The following FHAD1 variants were observed in gnomAD, a reference collection of about 807,000 sequenced individuals.
FHAD1 encodes forkhead-associated domain-containing protein 1.
Under a neutral mutation model 191.3 loss-of-function variants are expected in FHAD1, and 146 were observed. That is an observed-to-expected ratio of 0.76 (90% CI 0.67 to 0.88). The LOEUF (loss-of-function observed/expected upper bound fraction) is 0.88. FHAD1 is among the 40% of genes least tolerant of loss of function. FHAD1 has a pLI of 0.00. For synonymous variants in FHAD1, 616 were observed against 672.3 expected (o/e 0.92, Z 1.29); for missense variants, 1,635 against 1,785.8 (o/e 0.92, Z 1.52).
intron 3 of FHAD1, among the ~76,000 whole-genome samples, chr1:15,282,841 G>A (rs548689894): frequency 3.3e-5 from 5 of 152,216 alleles, no homozygotes; most frequent in Non-Finnish European, 7.3e-5. Flanking sequence ...TTTCTGTGGT[G>A]TAAATACTCC....
At chr1:15,299,728 G>A (rs975272337) in intron 5 of FHAD1, among the ~76,000 whole-genome samples, 3 of 152,248 alleles carry the variant, frequency 2.0e-5, no homozygotes, top group Non-Finnish European at 2.9e-5. Flanking sequence ...CAGCACAAGC[G>A]TGGCACACAG....
chr1:15,326,624 G>A (rs935348726), intron 11 of FHAD1: 4 of 156,094 alleles, frequency 2.6e-5, no homozygotes, highest in African/African-American at 9.6e-5. Context: ...ATGAAATGGA[G>A]AAAGGGAGAA....
chr1:15,320,877 C>A (rs1676018990), intron 10 of FHAD1, among the ~76,000 whole-genome samples: 1 of 152,100 alleles, frequency 6.6e-6, no homozygotes, highest in Admixed American at 6.6e-5. Context: ...AGGTGTACTA[C>A]CTATGTTCCT....
At chr1:15,363,495 C>T (rs1247157607) in intron 23 of FHAD1, among the ~76,000 whole-genome samples, 3 of 152,222 alleles carry the variant, frequency 2.0e-5, no homozygotes. Context: ...TGAGCCTTAG[C>T]TTCCACATTT....
intron 7 of FHAD1, among the ~76,000 whole-genome samples, 171 bp downstream of exon 7, chr1:15,308,907 C>T (rs976657875): frequency 1.3e-5 from 2 of 152,230 alleles, no homozygotes; most frequent in South Asian, 4.1e-4. Flanking sequence ...TGAGTTCACC[C>T]TCAGAGGTTT....
chr1:15,397,329 C>T lies in FHAD1; in HGVS notation c.4356C>T (p.Asp1452=), dbSNP rs1706354566. The change falls in exon 34 of 34, where the codon GAC becomes GAT. Residue 1452 remains aspartate, a synonymous_variant. Coordinates refer to ENST00000688493, the MANE Select transcript of FHAD1 (RefSeq NM_001391957.1). ...CCAGAAAAGCCTCCCTAAAGATGGA[C>T]CAAGAAAGAGAGATGCTGAGGAAAG... The part of the protein sequence containing the change: ...VGTRKASLKM[D]QEREMLRKET... 1 of 1,542,826 alleles carries T rather than the reference C, an allele frequency of 6.5e-7. No homozygotes were observed. Among genetic ancestry groups the T allele is most frequent in the Non-Finnish European group, 8.8e-7 (1 of 1,141,112 alleles).
Position 15,341,724 on chromosome 1 carries a change from C to G in FHAD1, c.1978-12C>G. 1.9e-6 allele frequency: 3 copies of G among 1,544,990 alleles called. No homozygotes were observed. In the East Asian group the frequency reaches 7.3e-5, roughly 38 times the overall value. ...CCCCCATCAGCATCGGTTTACTTTT[C>G]TCACATTTCAGATCAAGTTCAACAG... On this transcript the variant is annotated splice_polypyrimidine_tract_variant and intron_variant, in intron 15 of 33. Transcript: ENST00000688493.
chr1:15,298,141 A>G (rs964354185), intron 5 of FHAD1, among the ~76,000 whole-genome samples: 1 of 152,246 alleles, frequency 6.6e-6, no homozygotes, highest in African/African-American at 2.4e-5. Context: ...ATGCCCATCA[A>G]TCAACGAGTG....
chr1:15,327,067 C>T lies in FHAD1; in HGVS notation c.1482C>T (p.His494=), dbSNP rs3765357. ...NLERAVGQLE[H]FRSQVIKATY... Reference sequence around the variant, plus strand: ...CCCCCTCTCTGCTGCAGCTGGAGCACTTCAGAAGTCAAGTCATCAAGGCCA... The same window carrying T: ...CCCCCTCTCTGCTGCAGCTGGAGCATTTCAGAAGTCAAGTCATCAAGGCCA... Residue 494 remains histidine (H), a synonymous_variant, in exon 12 of 34, where the codon CAC becomes CAT. Coordinates refer to ENST00000688493, the MANE Select transcript of FHAD1 (RefSeq NM_001391957.1). The surrounding 1 kb of genome is among the most constrained non-coding windows in gnomAD (Gnocchi z 5.1). 0.29 allele frequency: 442,794 copies of T among 1,547,724 alleles called. 66,104 individuals are homozygous for T. Among genetic ancestry groups the T allele is most frequent in the South Asian group, 0.33 (28,024 of 83,908 alleles).
intron 24 of FHAD1, 23 bp downstream of exon 24, chr1:15,365,956 C>T (rs1171101185): frequency 9.6e-6 from 14 of 1,464,606 alleles, no homozygotes; most frequent in Non-Finnish European, 1.2e-5. Context: ...TCTGGTGTCT[C>T]TTGACCTCCT....
At position 15,352,900 on chromosome 1, in the gene FHAD1, C is replaced by T. The variant is rs552564683; in HGVS notation, c.2478C>T (p.Tyr826=). The change falls in exon 20 of 34, where the codon TAC becomes TAT. Residue 826 remains tyrosine (Y), a synonymous_variant. Transcript: ENST00000688493. ...QKEISESNIA[Y]EKRKAKEAME... ...AGATCTCAGAGAGCAACATTGCGTA[C>T]GAGAAACGCAAAGCAAAGGAGGCCA... 281 of 1,551,082 alleles carry T rather than the reference C, an allele frequency of 1.8e-4. No individual in the cohort carries two copies. Among genetic ancestry groups the T allele is most frequent in the Middle Eastern group, 6.7e-4 (4 of 5,988 alleles).
chr1:15,324,573 A>G lies in FHAD1; in HGVS notation c.1473+14A>G. The G allele has an allele frequency of 6.5e-7, 1 of 1,528,098 alleles. No homozygotes were observed. 94.7% of individuals were successfully genotyped at this position (1,528,098 alleles called of 1,614,324 possible). On this transcript the variant is annotated intron_variant, in intron 11 of 33. Coordinates refer to ENST00000688493, the MANE Select transcript of FHAD1 (RefSeq NM_001391957.1). The stretch of plus-strand genomic sequence containing the variant: ...GCAGTAGGTCAGGTAGGCATGTTCC[A>G]GAGCCCCCCTCATTGGCCCACGCTC...
At chr1:15,382,644 A>G (rs981976064) in intron 31 of FHAD1, among the ~76,000 whole-genome samples, 7 of 152,158 alleles carry the variant, frequency 4.6e-5, no homozygotes, top group African/African-American at 1.7e-4. Flanking sequence ...ATACAGGTGG[A>G]TGGGCAGATG....
chr1:15,272,681 TTC>T (rs1229275649), intron 3 of FHAD1, among the ~76,000 whole-genome samples, 152 bp downstream of exon 3: 4 of 152,056 alleles, frequency 2.6e-5, no homozygotes, highest in Non-Finnish European at 4.4e-5. Context: ...CCCTGTGGAG[TTC>T]TGAGTCATTC....
At chr1:15,398,549 A>G (rs1347284145), downstream of FHAD1, among the ~76,000 whole-genome samples, 1 of 152,074 alleles carries the variant, frequency 6.6e-6, no homozygotes, top group African/African-American at 2.4e-5. Context: ...TTCTAATTCC[A>G]TCTCATACTG....
chr1:15,319,915 A>C (rs1675708109), intron 10 of FHAD1, among the ~76,000 whole-genome samples: 1 of 152,236 alleles, frequency 6.6e-6, no homozygotes, highest in Non-Finnish European at 1.5e-5. Context: ...CCTCTCAATG[A>C]AAATGAACTT....
intron 19 of FHAD1, among the ~76,000 whole-genome samples, chr1:15,349,353 C>T (rs1413165696): frequency 6.6e-6 from 1 of 152,246 alleles, no homozygotes; most frequent in South Asian, 2.1e-4. Flanking sequence ...GGAATGCTAA[C>T]AGTCCCTGCC....
At position 15,251,883 on chromosome 1, in the gene FHAD1, A is replaced by G. The variant is rs1408964934; in HGVS notation, c.93+6A>G. 8.4e-6 allele frequency: 13 copies of G among 1,551,650 alleles called. No individual in the cohort carries two copies. Among genetic ancestry groups the G allele is most frequent in the Non-Finnish European group, 1.1e-5 (13 of 1,146,674 alleles). ...ATTCAGACCTTGTTTTACAGGTAAG[A>G]AGTCTTCCCACCTGTTCCCGTCCCC... is the stretch of plus-strand genomic sequence containing the variant. On this transcript the variant is annotated splice_donor_region_variant and intron_variant, in intron 2 of 33. Coordinates refer to ENST00000688493, the MANE Select transcript of FHAD1 (RefSeq NM_001391957.1).
rs1033998328 is a variant in FHAD1 at position 15,276,690 on chromosome 1, T to C, written c.300+4161T>C. Among the ~76,000 whole-genome samples, 1 of 151,790 alleles carries C rather than the reference T, an allele frequency of 6.6e-6. No individual in the cohort carries two copies. The highest frequency in any genetic ancestry group is 1.5e-5 in the Non-Finnish European group (1 of 67,988). ...GGTGGCACATACCTATAGTCCCAGC[T>C]AGTCAGGAGGCTGAGGCACAAGAAT... On this transcript the variant is annotated intron_variant, in intron 3 of 33. Transcript: ENST00000688493. The surrounding 1 kb of genome is among the most constrained non-coding windows in gnomAD (Gnocchi z 4.7).
Sources: gnomAD v4.1 joint callset for allele counts (sites outside exome capture counted in the v4.1 genomes callset) on GRCh38, gnomAD v4.1.1 for gene constraint, Gnocchi (gnomAD v3.1) non-coding constraint, MANE v1.5 for transcripts, NCBI Gene and HGNC (gene_info 2026-07-23, HGNC 2026-07-21) for gene names.